The following TNNI3K variants were observed in gnomAD, a reference collection of about 807,000 sequenced individuals.
The protein encoded by TNNI3K is TNNI3 interacting kinase, also known as serine/threonine-protein kinase TNNI3K.
TNNI3K carries 140 observed loss-of-function variants against 114.5 expected under a neutral mutation model. That is an observed-to-expected ratio of 1.22 (90% CI 1.07 to 1.41). The LOEUF (loss-of-function observed/expected upper bound fraction) is 1.41, where lower values mean the gene tolerates loss of function less well. Ranked by LOEUF, TNNI3K falls within the 40% of genes most tolerant of loss-of-function variation. TNNI3K has a pLI of 0.00. For missense variants in TNNI3K, 1,125 were observed against 1,007.6 expected (o/e 1.12, Z -1.58); for synonymous variants, 347 against 347.5 (o/e 1.00, Z 0.02).
chr1:74,516,029 G>A lies in TNNI3K; in HGVS notation c.2351+23763G>A, dbSNP rs79195448. Among the ~76,000 whole-genome samples the A allele has an allele frequency of 2.7e-3, 406 of 152,278 alleles. 3 individuals carry two copies. The highest frequency in any genetic ancestry group is 9.5e-3 in the African/African-American group (394 of 41,550). On this transcript the variant is annotated intron_variant, in intron 23 of 24. Coordinates refer to ENST00000326637, the MANE Select transcript of TNNI3K (RefSeq NM_015978.3). The stretch of plus-strand genomic sequence containing the variant: ...TGATGTCTTTAGGAGCCTCACTAGA[G>A]GGGAAGGAAAGGACAATCAACTTAC...
chr1:74,262,377 G>A (rs966394303), intron 4 of TNNI3K, among the ~76,000 whole-genome samples: 4 of 151,996 alleles, frequency 2.6e-5, no homozygotes, highest in Non-Finnish European at 5.9e-5. Flanking sequence ...ATCACTCCCA[G>A]TTGAGAACAA....
At position 74,369,661 on chromosome 1, in the gene TNNI3K, A is replaced by T. The variant is rs890451050; in HGVS notation, c.1667+76A>T. On this transcript the variant is annotated intron_variant, in intron 16 of 24. Coordinates refer to ENST00000326637, the MANE Select transcript of TNNI3K (RefSeq NM_015978.3). ...CTTGCAATACTTCAGAGGGTTTCCCATTGGATGAGCCTTCACCTTTTGAAA... is the reference window on the plus strand; with the variant it reads ...CTTGCAATACTTCAGAGGGTTTCCCTTTGGATGAGCCTTCACCTTTTGAAA... 9 of 1,446,928 alleles carry T rather than the reference A, an allele frequency of 6.2e-6. No individual in the cohort carries two copies. In the African/African-American group the frequency reaches 1.3e-4, roughly 21 times the overall value. The allele number at this position is 1,446,928 out of a possible 1,614,324, so 89.6% of individuals were successfully genotyped here. A position where few individuals can be genotyped will look rare whatever the true frequency, so the allele number is the denominator to read the frequency against.
intron 17 of TNNI3K, among the ~76,000 whole-genome samples, chr1:74,412,419 A>G (rs995161299): frequency 6.6e-6 from 1 of 152,140 alleles, no homozygotes; most frequent in East Asian, 1.9e-4. Flanking sequence ...ATACTCATTC[A>G]TAGGAATTTG....
intron 21 of TNNI3K, chr1:74,475,882 C>T (rs2100749084): frequency 1.9e-6 from 1 of 534,778 alleles, no homozygotes; most frequent in East Asian, 2.9e-5. Context: ...AATGTAAAAA[C>T]CACAAATATA....
chr1:74,375,342 G>A, intron 17 of TNNI3K: 2 of 202,644 alleles, frequency 9.9e-6, no homozygotes, highest in South Asian at 7.2e-5. Flanking sequence ...AACTTTGGGA[G>A]GAACTTGAAA....
chr1:74,350,205 A>G (rs1382579564), intron 9 of TNNI3K, among the ~76,000 whole-genome samples: 1 of 152,120 alleles, frequency 6.6e-6, no homozygotes, highest in African/African-American at 2.4e-5. Flanking sequence ...GAACATCTTT[A>G]TGTCTGCCTT....
chr1:74,402,154 T>G (rs561044543), intron 17 of TNNI3K, among the ~76,000 whole-genome samples: 3 of 152,292 alleles, frequency 2.0e-5, no homozygotes, highest in Admixed American at 6.5e-5. Context: ...CGGGGTCAAG[T>G]GATCTGACTT....
At chr1:74,236,065 C>T (rs1355425273) in intron 1 of TNNI3K, 37 bp from the exon 2 acceptor site, 1 of 1,568,986 alleles carries the variant, frequency 6.4e-7, no homozygotes, top group Non-Finnish European at 8.7e-7. Flanking sequence ...TTGCAAAACA[C>T]AACTATGAAT....
chr1:74,452,768 G>T (rs1320865516), intron 20 of TNNI3K, among the ~76,000 whole-genome samples: 1 of 152,042 alleles, frequency 6.6e-6, no homozygotes, highest in East Asian at 1.9e-4. Context: ...TTATGATTAT[G>T]TCCCTGCCTG....
At chr1:74,526,949 C>G (rs1467450388) in intron 23 of TNNI3K, among the ~76,000 whole-genome samples, 1 of 152,178 alleles carries the variant, frequency 6.6e-6, no homozygotes, top group Non-Finnish European at 1.5e-5. Context: ...ACTGAAACAG[C>G]AGAGTTGAGT....
chr1:74,324,684 G>A (rs1020257559), intron 5 of TNNI3K, among the ~76,000 whole-genome samples: 4 of 152,136 alleles, frequency 2.6e-5, no homozygotes, highest in African/African-American at 9.7e-5. Flanking sequence ...CACTCAACCA[G>A]CACGTGGGGA....
intron 23 of TNNI3K, among the ~76,000 whole-genome samples, chr1:74,533,844 T>C (rs1434902417): frequency 2.6e-5 from 4 of 152,160 alleles, no homozygotes; most frequent in African/African-American, 7.2e-5. Context: ...TTCTCACTCA[T>C]AGGTGGGAAT....
At chr1:74,404,423 T>G (rs1335618497) in intron 17 of TNNI3K, among the ~76,000 whole-genome samples, 1 of 152,142 alleles carries the variant, frequency 6.6e-6, no homozygotes, top group Non-Finnish European at 1.5e-5. Flanking sequence ...TCCCAAGAAC[T>G]TGATATCTTA....
At chr1:74,506,942 G>T (rs1330992043) in intron 23 of TNNI3K, among the ~76,000 whole-genome samples, 1 of 151,890 alleles carries the variant, frequency 6.6e-6, no homozygotes, top group Non-Finnish European at 1.5e-5. Context: ...TCATGTCTCT[G>T]TTGAATAAGT....
At chr1:74,272,259 T>C (rs1459813494) in intron 5 of TNNI3K, among the ~76,000 whole-genome samples, 2 of 151,864 alleles carry the variant, frequency 1.3e-5, no homozygotes, top group African/African-American at 2.4e-5. Flanking sequence ...TTTCATTTTA[T>C]AGAGTTTAGC....
intron 21 of TNNI3K, chr1:74,480,933 C>T (rs535066848): frequency 1.8e-5 from 13 of 716,898 alleles, no homozygotes; most frequent in South Asian, 5.9e-5. Context: ...AGATATCCAT[C>T]GGTGATGATT....
intron 5 of TNNI3K, among the ~76,000 whole-genome samples, chr1:74,309,096 C>T (rs903272281): frequency 2.0e-5 from 3 of 151,886 alleles, no homozygotes; most frequent in Non-Finnish European, 2.9e-5. Flanking sequence ...AGGCCGGGCG[C>T]GGTGGCTCAC....
At chr1:74,454,814 C>T (rs1570643118) in intron 20 of TNNI3K, among the ~76,000 whole-genome samples, 1 of 152,232 alleles carries the variant, frequency 6.6e-6, no homozygotes, top group Non-Finnish European at 1.5e-5. Context: ...ATCTCAGTGA[C>T]TGTACAAATT....
At chr1:74,279,170 G>C (rs1479874731) in intron 5 of TNNI3K, among the ~76,000 whole-genome samples, 1 of 152,122 alleles carries the variant, frequency 6.6e-6, no homozygotes, top group African/African-American at 2.4e-5. Context: ...GGCTAAATGG[G>C]GTATCTTCCT....
Sources: allele counts gnomAD v4.1 joint callset (sites outside exome capture counted in the v4.1 genomes callset), GRCh38; gene constraint gnomAD v4.1.1; transcripts MANE v1.5; gene names NCBI Gene and HGNC (gene_info 2026-07-23, HGNC 2026-07-21).